SYT2: variants seen among roughly 807,000 people sequenced by gnomAD.
SYT2 encodes synaptotagmin-2.
In SYT2, 15 loss-of-function variants were observed where a neutral mutation model predicts 39.9. The ratio of observed to expected loss-of-function variants is 0.38; its 90% confidence interval spans 0.25 to 0.58. The LOEUF is 0.58. SYT2 is among the 20% of genes least tolerant of loss of function. The pLI, the probability that SYT2 is intolerant of heterozygous loss-of-function variation, is 0.70. For synonymous variants in SYT2, 181 were observed against 204.5 expected (o/e 0.89, Z 0.98); for missense variants, 389 against 530.3 (o/e 0.73, Z 2.62).
intron 1 of SYT2, among the ~76,000 whole-genome samples, chr1:202,677,769 A>G (rs1653413872): frequency 6.6e-6 from 1 of 152,258 alleles, no homozygotes; most frequent in African/African-American, 2.4e-5. Context: ...TATATGATTT[A>G]TGAAATATGA....
rs559047727 is a variant in SYT2 at position 202,615,398 on chromosome 1, A to G, written c.-17-9609T>C. ...TGCTGAGACCAGAAGCCTTGGGGTC[A>G]TCCTTCCCATCCATGTGGGGTCACC... On this transcript the variant is annotated intron_variant, in intron 1 of 8. Transcript: ENST00000367268. Among the ~76,000 whole-genome samples the G allele has an allele frequency of 7.2e-5, 11 of 152,194 alleles. No individual in the cohort carries two copies. In the East Asian group the frequency reaches 9.7e-4, roughly 13 times the overall value.
intron 1 of SYT2, among the ~76,000 whole-genome samples, chr1:202,621,607 G>A (rs116773186): frequency 0.083 from 12,577 of 152,102 alleles, 820 homozygotes; most frequent in African/African-American, 0.17. Context: ...GAGCCACTGC[G>A]CCCAGCCAAA....
intron 1 of SYT2, among the ~76,000 whole-genome samples, chr1:202,660,213 G>A (rs1311214685): frequency 1.3e-5 from 2 of 152,204 alleles, no homozygotes; most frequent in South Asian, 2.1e-4. Context: ...TAGCAGAGTA[G>A]TACAGTGTGA....
At chr1:202,625,022 G>C (rs1691339267) in intron 1 of SYT2, among the ~76,000 whole-genome samples, 2 of 129,068 alleles carry the variant, frequency 1.5e-5, no homozygotes, top group Non-Finnish European at 3.3e-5. Flanking sequence ...CATGTAGTAG[G>C]TTGTGTGTGT....
At chr1:202,674,300 C>A (rs1207397501) in intron 1 of SYT2, among the ~76,000 whole-genome samples, 1 of 152,072 alleles carries the variant, frequency 6.6e-6, no homozygotes, top group Admixed American at 6.6e-5. Context: ...CAGGGTTTTG[C>A]CATATTGGCC....
chr1:202,618,394 G>GGTGTGA (rs1203698968), intron 1 of SYT2, among the ~76,000 whole-genome samples: 3 of 65,262 alleles, frequency 4.6e-5, no homozygotes, highest in Non-Finnish European at 6.3e-5. Context: ...ACCAAGGTCT[G>GGTGTGA]GTGTGAGTGT....
intron 1 of SYT2, among the ~76,000 whole-genome samples, chr1:202,638,837 G>C (rs1333750527): frequency 1.3e-5 from 2 of 152,090 alleles, no homozygotes; most frequent in Non-Finnish European, 2.9e-5. Context: ...CTTTCACTCA[G>C]CCTTGTCAAT....
At chr1:202,654,269 A>AT (rs1415404832) in intron 1 of SYT2, among the ~76,000 whole-genome samples, 1 of 152,120 alleles carries the variant, frequency 6.6e-6, no homozygotes, top group African/African-American at 2.4e-5. Context: ...GAGGACTAAT[A>AT]TTTTCACAGT....
Position 202,628,878 on chromosome 1 carries a change from G to A in SYT2, c.-17-23089C>T, listed in dbSNP as rs909736693. ...GCAGACTGACCTGGACTGGAGTCTCGGCTCTTTTAGCCATGGGAACTTGAA... is the reference window on the plus strand; with the variant it reads ...GCAGACTGACCTGGACTGGAGTCTCAGCTCTTTTAGCCATGGGAACTTGAA... On this transcript the variant is annotated intron_variant, in intron 1 of 8. Transcript: ENST00000367268. The surrounding 1 kb of genome is among the most constrained non-coding windows in gnomAD (Gnocchi z 4.2). Among the ~76,000 whole-genome samples, 3 of 152,316 alleles carry A rather than the reference G, an allele frequency of 2.0e-5. No homozygotes were observed. The highest frequency in any genetic ancestry group is 7.2e-5 in the African/African-American group (3 of 41,576).
At chr1:202,602,570 G>A (rs752392940) in intron 4 of SYT2, 25 bp from the exon 5 acceptor site, 23 of 1,601,508 alleles carry the variant, frequency 1.4e-5, no homozygotes, top group Non-Finnish European at 2.0e-5. Context: ...GGGGAGAAGG[G>A]GCCTGAGTCT....
chr1:202,677,360 A>G (rs1463520953), intron 1 of SYT2, among the ~76,000 whole-genome samples: 2 of 152,182 alleles, frequency 1.3e-5, no homozygotes, highest in African/African-American at 4.8e-5. Context: ...GGCAGAAGTG[A>G]CGCTACATGA....
intron 1 of SYT2, among the ~76,000 whole-genome samples, chr1:202,655,016 T>A (rs913348914): frequency 2.0e-5 from 3 of 152,162 alleles, no homozygotes; most frequent in African/African-American, 7.2e-5. Context: ...TGGCTTGTAC[T>A]ATGGGCCAAA....
chr1:202,619,296 G>C (rs954036365), intron 1 of SYT2, among the ~76,000 whole-genome samples: 4 of 152,182 alleles, frequency 2.6e-5, no homozygotes, highest in Middle Eastern at 3.2e-3. Flanking sequence ...TCCTCTGTCT[G>C]GTCAGAATCA....
chr1:202,694,777 C>G (rs1219643258), intron 1 of SYT2, among the ~76,000 whole-genome samples: 1 of 151,782 alleles, frequency 6.6e-6, no homozygotes. Context: ...TCCCTCTACC[C>G]CTCTCCTCTC....
intron 1 of SYT2, among the ~76,000 whole-genome samples, chr1:202,616,579 C>T (rs1572627061): frequency 6.6e-6 from 1 of 152,334 alleles, no homozygotes; most frequent in African/African-American, 2.4e-5. Context: ...TCAGCCCCTC[C>T]ATTGTGGCTT....
chr1:202,597,472 T>A (rs1236076020), intron 8 of SYT2, among the ~76,000 whole-genome samples: 4 of 152,062 alleles, frequency 2.6e-5, no homozygotes, highest in African/African-American at 9.7e-5. Context: ...GAAAACAGAT[T>A]TGCTTGGGTA....
At chr1:202,656,024 G>A (rs139712006) in intron 1 of SYT2, among the ~76,000 whole-genome samples, 1 of 152,286 alleles carries the variant, frequency 6.6e-6, no homozygotes, top group East Asian at 1.9e-4. Flanking sequence ...AGAAAGTGTG[G>A]CTTATTGTGT....
At chr1:202,625,555 C>A (rs1026931263) in intron 1 of SYT2, among the ~76,000 whole-genome samples, 9 of 151,878 alleles carry the variant, frequency 5.9e-5, no homozygotes, top group African/African-American at 2.2e-4. Flanking sequence ...GCGGCCTCCT[C>A]CCCAGCCCAC....
At chr1:202,689,572 C>T (rs1653767085) in intron 1 of SYT2, among the ~76,000 whole-genome samples, 1 of 152,080 alleles carries the variant, frequency 6.6e-6, no homozygotes, top group African/African-American at 2.4e-5. Context: ...TGACCTCAGG[C>T]AAGTCATTTA....
Sources: allele counts gnomAD v4.1 joint callset (sites outside exome capture counted in the v4.1 genomes callset), GRCh38; gene constraint gnomAD v4.1.1; non-coding constraint Gnocchi (gnomAD v3.1); transcripts MANE v1.5; gene names NCBI Gene and HGNC (gene_info 2026-07-23, HGNC 2026-07-21).